MRPS27: variants seen among roughly 807,000 people sequenced by gnomAD.
MRPS27 encodes the protein mitochondrial ribosomal protein S27, also known as small ribosomal subunit protein mS27.
In MRPS27, 43 loss-of-function variants were observed where a neutral mutation model predicts 48.9. The ratio of observed to expected loss-of-function variants is 0.88; its 90% CI spans 0.69 to 1.13. The LOEUF (loss-of-function observed/expected upper bound fraction) is 1.13, where lower values mean the gene tolerates loss of function less well. MRPS27 is among the 50% of genes most tolerant of loss of function. The pLI, the probability that MRPS27 is intolerant of heterozygous loss-of-function variation, is 0.00. For missense variants in MRPS27, 467 were observed against 476.3 expected (o/e 0.98, Z 0.18); for synonymous variants, 188 against 171.9 (o/e 1.09, Z -0.73).
At position 72,295,582 on chromosome 5, in the gene MRPS27, T is replaced by A. The variant is rs1326854903; in HGVS notation, c.230A>T (p.Asp77Val). 1 of 1,609,454 alleles carries A rather than the reference T, an allele frequency of 6.2e-7. No individual in the cohort carries two copies. Among genetic ancestry groups the A allele is most frequent in the Non-Finnish European group, 8.5e-7 (1 of 1,176,202 alleles). Residue 77 changes from aspartate (D) to valine (V), a missense_variant, in exon 4 of 11, where the codon GAC becomes GTC. Asp to Val is a radical substitution (Grantham distance 152). Coordinates refer to ENST00000261413, the MANE Select transcript of MRPS27 (RefSeq NM_015084.3). ...VSSLTISRLI[D>V]NISSREEIDH... Reference sequence around the variant, plus strand: ...TATCTCTTCCCGAGAGGAAATGTTGTCTATAAGCTAAAAGACAGAAAAAGA... The same window carrying A: ...TATCTCTTCCCGAGAGGAAATGTTGACTATAAGCTAAAAGACAGAAAAAGA...
At chr5:72,238,217 T>A in intron 4 of MRPS27, 89 bp from the exon 5 acceptor site, 1 of 820,226 alleles carries the variant, frequency 1.2e-6, no homozygotes, top group Non-Finnish European at 2.1e-6. Context: ...CTTAGATACT[T>A]ACAGAGTGCA....
At chr5:72,293,205 C>G (rs148516240) in intron 4 of MRPS27, among the ~76,000 whole-genome samples, 51 of 152,008 alleles carry the variant, frequency 3.4e-4, no homozygotes, top group African/African-American at 1.2e-3. Flanking sequence ...AGAACCCAGC[C>G]AATCTCCACT....
chr5:72,290,864 G>T (rs1749799399), intron 4 of MRPS27, among the ~76,000 whole-genome samples: 1 of 152,196 alleles, frequency 6.6e-6, no homozygotes, highest in Admixed American at 6.5e-5. Flanking sequence ...CCTGTCAGCA[G>T]CTGTTAGCTG....
chr5:72,311,022 T>C (rs567157316), intron 2 of MRPS27, among the ~76,000 whole-genome samples: 4 of 152,300 alleles, frequency 2.6e-5, no homozygotes, highest in African/African-American at 9.6e-5. Context: ...GATTGGGTTC[T>C]TTAAAAATAT....
At chr5:72,268,339 T>C (rs1285356682) in intron 4 of MRPS27, among the ~76,000 whole-genome samples, 1 of 152,174 alleles carries the variant, frequency 6.6e-6, no homozygotes, top group African/African-American at 2.4e-5. Flanking sequence ...TAAAAACAAA[T>C]ACTCGGCAAC....
chr5:72,316,224 A>T (rs1750560104), intron 1 of MRPS27, among the ~76,000 whole-genome samples: 1 of 152,242 alleles, frequency 6.6e-6, no homozygotes, highest in African/African-American at 2.4e-5. Context: ...GAGGATCAGG[A>T]AAGCTAGAGG....
At chr5:72,271,273 A>G (rs563073272) in intron 4 of MRPS27, among the ~76,000 whole-genome samples, 4 of 152,340 alleles carry the variant, frequency 2.6e-5, no homozygotes, top group Admixed American at 2.0e-4. Context: ...TGAATAAGTG[A>G]GTTAATCAAG....
chr5:72,297,673 A>G lies in MRPS27; in HGVS notation c.181T>C (p.Phe61Leu), dbSNP rs1402526607. The G allele has an allele frequency of 4.4e-6, 7 of 1,602,792 alleles. No homozygotes were observed. The highest frequency in any genetic ancestry group is 5.1e-6 in the Non-Finnish European group (6 of 1,175,070). Residue 61 changes from phenylalanine (F) to leucine (L), a missense_variant, in exon 3 of 11, where the codon TTT (phenylalanine) becomes CTT (leucine). Transcript: ENST00000261413. ...GAACTAACAGGCAACTTTCTCTCAA[A>G]TGTTTTATCCATTAAAGATGCAAGA... is the stretch of plus-strand genomic sequence containing the variant. The part of the protein sequence containing the change: ...ADLASLMDKT[F>L]ERKLPVSSLT...
At chr5:72,288,877 G>C (rs889438340) in intron 4 of MRPS27, 1 of 152,172 alleles carries the variant, frequency 6.6e-6, no homozygotes, top group Non-Finnish European at 1.5e-5. Context: ...CTGCGTAAAC[G>C]AATGCATGCT....
chr5:72,223,843 A>C lies in MRPS27; in HGVS notation c.845T>G (p.Val282Gly). 1 of 1,613,582 alleles carries C rather than the reference A, an allele frequency of 6.2e-7. No homozygotes were observed. Among genetic ancestry groups the C allele is most frequent in the Non-Finnish European group, 8.5e-7 (1 of 1,179,690 alleles). Residue 282 changes from valine (V) to glycine (G), a missense_variant, in exon 10 of 11, where the codon GTG becomes GGG. Coordinates refer to ENST00000261413, the MANE Select transcript of MRPS27 (RefSeq NM_015084.3). The stretch of plus-strand genomic sequence containing the variant: ...CAGAGCCTTCAGCACTGCACCCAGC[A>C]CATCGAGCTGTGGAGCAGAAAGAGG... ...DIKLCREALD[V>G]LGAVLKALTS...
At chr5:72,240,849 C>CA (rs1329487750) in intron 4 of MRPS27, among the ~76,000 whole-genome samples, 2 of 152,218 alleles carry the variant, frequency 1.3e-5, no homozygotes, top group Non-Finnish European at 2.9e-5. Flanking sequence ...GAAAGTTACT[C>CA]AAGACTTCAC....
At chr5:72,228,579 G>A in intron 7 of MRPS27, 1 of 397,616 alleles carries the variant, frequency 2.5e-6, no homozygotes, top group Non-Finnish European at 4.4e-6. Flanking sequence ...ATATGTTAAT[G>A]GATTTTTGGG....
At chr5:72,309,806 C>T (rs1025569997) in intron 2 of MRPS27, among the ~76,000 whole-genome samples, 11 of 152,190 alleles carry the variant, frequency 7.2e-5, no homozygotes, top group Admixed American at 5.2e-4. Context: ...TCCGAACACG[C>T]CTTGCTGTAT....
rs1750322731 is a variant in MRPS27 at position 72,308,020 on chromosome 5, T to C, written c.151+6061A>G. ...GGTTTCCTCCTCTCCACGGTGGAACTGGCAGCGGCCCTGGCTGGCTGCTGA... is the reference window on the plus strand; with the variant it reads ...GGTTTCCTCCTCTCCACGGTGGAACCGGCAGCGGCCCTGGCTGGCTGCTGA... On this transcript the variant is annotated intron_variant, in intron 2 of 10. Transcript: ENST00000261413. The C allele has an allele frequency of 1.3e-5, 2 of 152,474 alleles. 1 individual carries two copies. The highest frequency in any genetic ancestry group is 4.1e-4 in the South Asian group (2 of 4,830). 9.4% of individuals were successfully genotyped at this position (152,474 alleles called of 1,614,324 possible).
intron 2 of MRPS27, among the ~76,000 whole-genome samples, chr5:72,307,032 A>T (rs1306213504): frequency 6.6e-6 from 1 of 152,168 alleles, no homozygotes; most frequent in African/African-American, 2.4e-5. Flanking sequence ...GATTCAACCA[A>T]ATCATAAAAA....
chr5:72,310,053 T>C lies in MRPS27; in HGVS notation c.151+4028A>G, dbSNP rs1371029520. Among the ~76,000 whole-genome samples the C allele has an allele frequency of 2.6e-5, 4 of 152,170 alleles. No individual in the cohort carries two copies. In the East Asian group the frequency reaches 7.7e-4, roughly 29 times the overall value. ...CAGTATGGAAGACGGGAGATACAAA[T>C]ATGGACTGGAGCAAGGCAAGAAGAA... On this transcript the variant is annotated intron_variant, in intron 2 of 10. Transcript: ENST00000261413.
At chr5:72,270,495 T>C (rs1044805467) in intron 4 of MRPS27, among the ~76,000 whole-genome samples, 5 of 151,836 alleles carry the variant, frequency 3.3e-5, no homozygotes, top group African/African-American at 4.8e-5. Context: ...TAAAACTACA[T>C]TGAGAAGTCA....
chr5:72,312,059 G>T (rs1750453878), intron 2 of MRPS27, among the ~76,000 whole-genome samples: 1 of 152,198 alleles, frequency 6.6e-6, no homozygotes, highest in Non-Finnish European at 1.5e-5. Context: ...TTGAACCCAG[G>T]AGGCGGAGGT....
intron 4 of MRPS27, among the ~76,000 whole-genome samples, chr5:72,280,597 A>T (rs1468386497): frequency 2.0e-5 from 3 of 152,208 alleles, no homozygotes; most frequent in Non-Finnish European, 4.4e-5. Flanking sequence ...AAAAGTGGGG[A>T]ATGCTGACAA....
Sources: gnomAD v4.1 joint callset for allele counts (sites outside exome capture counted in the v4.1 genomes callset) on GRCh38, gnomAD v4.1.1 for gene constraint, MANE v1.5 for transcripts, NCBI Gene and HGNC (gene_info 2026-07-23, HGNC 2026-07-21) for gene names.